The following PARN variants were observed in gnomAD, a reference collection of about 807,000 sequenced individuals.
PARN encodes poly(A)-specific ribonuclease PARN.
A neutral mutation model predicts 102.8 loss-of-function variants in PARN; 71 were observed. The observed-to-expected ratio is 0.69, with a 90% CI of 0.57 to 0.84. PARN has a LOEUF of 0.84. Among genes scored for constraint, PARN ranks in the 40% least tolerant of loss-of-function variants. The pLI, the probability that PARN is intolerant of heterozygous loss-of-function variation, is 0.00. For synonymous variants in PARN, 261 were observed against 252.9 expected, an observed-to-expected ratio of 1.03 and a Z score of -0.30; for missense variants, 782 against 760.9, an observed-to-expected ratio of 1.03 and a Z score of -0.33.
At chr16:14,469,236 G>C (rs1218105329) in intron 22 of PARN, among the ~76,000 whole-genome samples, 1 of 152,140 alleles carries the variant, frequency 6.6e-6, no homozygotes, top group African/African-American at 2.4e-5. Context: ...GGCGGAGGTT[G>C]CCATGAGCCA....
intron 10 of PARN, among the ~76,000 whole-genome samples, chr16:14,605,988 T>C (rs1007931258): frequency 2.0e-5 from 3 of 152,174 alleles, no homozygotes; most frequent in African/African-American, 7.2e-5. Flanking sequence ...AAAGTATAGA[T>C]CACCGTTATC....
At chr16:14,604,502 C>A (rs2151788086) in intron 10 of PARN, among the ~76,000 whole-genome samples, 1 of 152,246 alleles carries the variant, frequency 6.6e-6, no homozygotes, top group South Asian at 2.1e-4. Flanking sequence ...CTCAGGTGAT[C>A]CACCCGCCTC....
chr16:14,571,349 T>G (rs921825945), intron 18 of PARN, among the ~76,000 whole-genome samples: 1 of 148,172 alleles, frequency 6.7e-6, no homozygotes, highest in African/African-American at 2.5e-5. Context: ...CAGAGCAAGA[T>G]TCCAACTCAA....
chr16:14,473,308 T>C (rs1327503380), intron 22 of PARN, among the ~76,000 whole-genome samples: 5 of 152,150 alleles, frequency 3.3e-5, no homozygotes, highest in African/African-American at 9.7e-5. Flanking sequence ...GTTTCAAAGG[T>C]GTCATGGGAA....
At chr16:14,589,691 T>C (rs1463082055) in intron 13 of PARN, among the ~76,000 whole-genome samples, 3 of 149,848 alleles carry the variant, frequency 2.0e-5, no homozygotes, top group East Asian at 2.0e-4. Context: ...CATGGCGAAA[T>C]CCCGTCTCTA....
intron 13 of PARN, among the ~76,000 whole-genome samples, chr16:14,586,626 G>C (rs1379975863): frequency 6.6e-6 from 1 of 152,152 alleles, no homozygotes; most frequent in Non-Finnish European, 1.5e-5. Flanking sequence ...AGTTGAAATT[G>C]GGAAGGGGCA....
At chr16:14,572,731 C>G in intron 18 of PARN, among the ~76,000 whole-genome samples, 1 of 152,212 alleles carries the variant, frequency 6.6e-6, no homozygotes, top group Non-Finnish European at 1.5e-5. Flanking sequence ...TGGGTAGGTA[C>G]TAGCAGAAGT....
chr16:14,544,409 T>C (rs1279403366), intron 21 of PARN, among the ~76,000 whole-genome samples: 1 of 151,884 alleles, frequency 6.6e-6, no homozygotes, highest in Admixed American at 6.6e-5. Flanking sequence ...ACCCTGTCTC[T>C]ACTAAAAATA....
At chr16:14,557,243 G>T (rs983960091) in intron 18 of PARN, among the ~76,000 whole-genome samples, 2 of 152,020 alleles carry the variant, frequency 1.3e-5, no homozygotes, top group Non-Finnish European at 2.9e-5. Context: ...CCACAGTTAA[G>T]GAACATTATT....
At chr16:14,595,767 G>A (rs1300239413) in intron 12 of PARN, among the ~76,000 whole-genome samples, 1 of 152,088 alleles carries the variant, frequency 6.6e-6, no homozygotes, top group Non-Finnish European at 1.5e-5. Flanking sequence ...CTGACCTCAC[G>A]TGATCTGCCC....
intron 22 of PARN, among the ~76,000 whole-genome samples, chr16:14,452,795 T>C (rs1485357021): frequency 1.3e-5 from 2 of 152,264 alleles, no homozygotes; most frequent in African/African-American, 2.4e-5. Context: ...TCTATATGTA[T>C]GTAAGACCTG....
intron 5 of PARN, among the ~76,000 whole-genome samples, chr16:14,622,136 T>G (rs1295820587): frequency 1.3e-5 from 2 of 152,058 alleles, no homozygotes; most frequent in Admixed American, 6.6e-5. Flanking sequence ...GAGGTTACAG[T>G]GAGCCAAGAT....
At position 14,522,921 on chromosome 16, in the gene PARN, C is replaced by T. The variant is rs140458321; in HGVS notation, c.1480+29100G>A. Among the ~76,000 whole-genome samples the T allele has an allele frequency of 5.6e-4, 86 of 152,220 alleles. No individual in the cohort carries two copies. In the South Asian group the frequency reaches 5.8e-3, roughly 10 times the overall value. On this transcript the variant is annotated intron_variant, in intron 21 of 23. Coordinates refer to ENST00000437198, the MANE Select transcript of PARN (RefSeq NM_002582.4). ...CCTGGTAATACTAAAGATAAGTGGA[C>T]CCAATTCACCATTTAAAAGACAGAT...
intron 21 of PARN, among the ~76,000 whole-genome samples, chr16:14,548,101 A>C (rs1002671469): frequency 1.3e-5 from 2 of 152,020 alleles, no homozygotes; most frequent in African/African-American, 4.8e-5. Context: ...AACAAAAATT[A>C]GCCGGGAGTG....
chr16:14,581,766 A>G (rs1042696936), intron 17 of PARN, among the ~76,000 whole-genome samples: 14 of 152,156 alleles, frequency 9.2e-5, no homozygotes, highest in African/African-American at 3.4e-4. Context: ...TAAAAAAATT[A>G]AAAAGTTAGC....
chr16:14,603,307 T>C (rs927178145), intron 11 of PARN, among the ~76,000 whole-genome samples: 1 of 152,166 alleles, frequency 6.6e-6, no homozygotes, highest in Non-Finnish European at 1.5e-5. Context: ...CTTGCTAATC[T>C]TTCCCTGTGT....
intron 13 of PARN, among the ~76,000 whole-genome samples, chr16:14,587,178 C>T (rs1969910888): frequency 6.6e-6 from 1 of 152,138 alleles, no homozygotes; most frequent in Non-Finnish European, 1.5e-5. Context: ...ATTTAGCTAG[C>T]CTGATATATT....
intron 16 of PARN, among the ~76,000 whole-genome samples, 164 bp from the exon 17 acceptor site, chr16:14,582,455 AAC>A (rs1210674083): frequency 2.6e-5 from 4 of 152,162 alleles, no homozygotes; most frequent in African/African-American, 9.7e-5. Flanking sequence ...AATACAAGAT[AAC>A]AGAGTCACTG....
rs375185166 is a variant in PARN at position 14,482,795 on chromosome 16, G to A, written c.1513C>T (p.Arg505Trp). 28 of 1,611,340 alleles carry A rather than the reference G, an allele frequency of 1.7e-5. No homozygotes were observed. Among genetic ancestry groups the A allele is most frequent in the Non-Finnish European group, 2.0e-5 (23 of 1,179,170 alleles). Residue 505 changes from arginine (R) to tryptophan (W), a missense_variant, in exon 22 of 24, where the codon CGG (arginine) becomes TGG (tryptophan). Arg to Trp is a moderately radical substitution (Grantham distance 101). Transcript: ENST00000437198. The part of the protein sequence containing the change: ...VNTSKYAESY[R>W]IQTYAEYMGR... ...ATATATTCAGCATAGGTTTGGATCC[G>A]ATAGCTTTCTGCATATTTGCTGGTA... is the stretch of plus-strand genomic sequence containing the variant.
Sources: gnomAD v4.1 joint callset for allele counts (sites outside exome capture counted in the v4.1 genomes callset) on GRCh38, gnomAD v4.1.1 for gene constraint, MANE v1.5 for transcripts, NCBI Gene and HGNC (gene_info 2026-07-23, HGNC 2026-07-21) for gene names.